NRXN3: variants seen among roughly 807,000 people sequenced by gnomAD.
NRXN3 encodes the protein neurexin III.
Under a neutral mutation model 137.6 loss-of-function variants are expected in NRXN3, and 32 were observed. The observed-to-expected ratio is 0.23, with a 90% CI of 0.18 to 0.31. The LOEUF (loss-of-function observed/expected upper bound fraction) is 0.31. Ranked by LOEUF, NRXN3 falls within the 10% of genes least tolerant of loss-of-function variation. NRXN3 has a pLI of 1.00. For missense variants in NRXN3, 1,574 were observed against 2,062.5 expected (o/e 0.76, Z 4.59); for synonymous variants, 798 against 784.5 (o/e 1.02, Z -0.29).
chr14:78,454,272 A>G (rs1428511483), intron 4 of NRXN3, among the ~76,000 whole-genome samples: 1 of 151,374 alleles, frequency 6.6e-6, no homozygotes, highest in Non-Finnish European at 1.5e-5. Context: ...CTCAACCTTC[A>G]CCATACTCTA....
chr14:78,987,987 TTTTC>T, intron 14 of NRXN3, 31 bp from the exon 15 acceptor site: 1 of 1,592,346 alleles, frequency 6.3e-7, no homozygotes, highest in South Asian at 1.1e-5. Flanking sequence ...TCTCTCTCCT[TTTTC>T]TTTTTTTCCC....
At chr14:78,680,460 G>T (rs1461137013) in intron 6 of NRXN3, among the ~76,000 whole-genome samples, 1 of 152,128 alleles carries the variant, frequency 6.6e-6, no homozygotes, top group Non-Finnish European at 1.5e-5. Context: ...GAGACGACAG[G>T]TTCTTGAGCA....
chr14:78,418,521 C>T (rs193118872), intron 4 of NRXN3, among the ~76,000 whole-genome samples: 3 of 152,112 alleles, frequency 2.0e-5, no homozygotes, highest in African/African-American at 4.8e-5. Context: ...ATGGGACTCC[C>T]CTTTCTTACT....
At chr14:78,884,234 A>G (rs2099136868) in intron 10 of NRXN3, among the ~76,000 whole-genome samples, 1 of 152,188 alleles carries the variant, frequency 6.6e-6, no homozygotes, top group Non-Finnish European at 1.5e-5. Flanking sequence ...ACTGCCTTTC[A>G]TAAGCAGAAA....
At chr14:78,221,946 G>C (rs939721309) in intron 1 of NRXN3, among the ~76,000 whole-genome samples, 1 of 152,234 alleles carries the variant, frequency 6.6e-6, no homozygotes, top group African/African-American at 2.4e-5. Context: ...GGAGGCGACA[G>C]TGAGTGAATA....
At chr14:79,016,173 A>G (rs1594939891) in intron 15 of NRXN3, among the ~76,000 whole-genome samples, 1 of 152,074 alleles carries the variant, frequency 6.6e-6, no homozygotes, top group Non-Finnish European at 1.5e-5. Flanking sequence ...GTGCAGTGGG[A>G]AGGAAATGTT....
intron 17 of NRXN3, among the ~76,000 whole-genome samples, chr14:79,670,379 T>C (rs1356514545): frequency 6.6e-6 from 1 of 152,054 alleles, no homozygotes; most frequent in Non-Finnish European, 1.5e-5. Context: ...TCAGACTTTC[T>C]AGGTGTAACC....
chr14:79,267,917 A>G (rs1043053996), intron 15 of NRXN3, among the ~76,000 whole-genome samples: 2 of 152,226 alleles, frequency 1.3e-5, no homozygotes, highest in African/African-American at 4.8e-5. Flanking sequence ...TGTTCCATAT[A>G]TTCTTAAAAG....
At chr14:78,289,295 G>A (rs2075538119) in intron 3 of NRXN3, among the ~76,000 whole-genome samples, 3 of 152,128 alleles carry the variant, frequency 2.0e-5, no homozygotes, top group Non-Finnish European at 4.4e-5. Flanking sequence ...GGCTATTGTT[G>A]AAGTCTGCCA....
chr14:79,166,361 A>G (rs370693723), intron 15 of NRXN3, among the ~76,000 whole-genome samples: 2 of 151,780 alleles, frequency 1.3e-5, no homozygotes, highest in African/African-American at 4.8e-5. Flanking sequence ...CTTTCCTCCT[A>G]TTGTTGCATT....
At chr14:78,646,371 A>G (rs184919504) in intron 5 of NRXN3, among the ~76,000 whole-genome samples, 1 of 152,192 alleles carries the variant, frequency 6.6e-6, no homozygotes, top group Admixed American at 6.5e-5. Flanking sequence ...TGGTTTTTCT[A>G]TTTGCGAATC....
At chr14:79,104,553 G>A (rs1356850485) in intron 15 of NRXN3, among the ~76,000 whole-genome samples, 1 of 152,064 alleles carries the variant, frequency 6.6e-6, no homozygotes, top group African/African-American at 2.4e-5. Context: ...TAATGCCGTG[G>A]GTCAGGCTCT....
intron 16 of NRXN3, among the ~76,000 whole-genome samples, chr14:79,576,741 C>G (rs1422482807): frequency 2.0e-5 from 3 of 152,012 alleles, no homozygotes; most frequent in Non-Finnish European, 2.9e-5. Flanking sequence ...TTTTTCTTTT[C>G]TTTTTCCATA....
At chr14:79,816,931 G>C (rs1458210000) in intron 20 of NRXN3, among the ~76,000 whole-genome samples, 1 of 152,132 alleles carries the variant, frequency 6.6e-6, no homozygotes, top group African/African-American at 2.4e-5. Context: ...AGTTTGAGAG[G>C]CCTGGGAATT....
At position 79,289,264 on chromosome 14, in the gene NRXN3, T is replaced by C. The variant is rs372863942; in HGVS notation, c.3263-177957T>C. Among the ~76,000 whole-genome samples, 3 of 152,176 alleles carry C rather than the reference T, an allele frequency of 2.0e-5. No homozygotes were observed. The East Asian group carries it at 5.8e-4, about 29-fold the overall frequency. ...CTCTTTCTTCAGAGAAATCTCCCCT[T>C]ATCCAGATTATGTCCTGCAGGCACA... On this transcript the variant is annotated intron_variant, in intron 15 of 20. Coordinates refer to ENST00000335750, the MANE Select transcript of NRXN3 (RefSeq NM_001330195.2).
chr14:78,681,252 A>C (rs2098072747), intron 6 of NRXN3, among the ~76,000 whole-genome samples: 1 of 152,200 alleles, frequency 6.6e-6, no homozygotes, highest in South Asian at 2.1e-4. Flanking sequence ...TCTTAATGCA[A>C]ATGTAGCATA....
intron 16 of NRXN3, among the ~76,000 whole-genome samples, chr14:79,627,676 C>T (rs1488631429): frequency 6.6e-6 from 1 of 152,186 alleles, no homozygotes; most frequent in African/African-American, 2.4e-5. Context: ...TTACCACTTA[C>T]TGGCTGTGTG....
chr14:79,559,793 T>C (rs1011188524), intron 16 of NRXN3, among the ~76,000 whole-genome samples: 7 of 152,206 alleles, frequency 4.6e-5, no homozygotes, highest in African/African-American at 1.7e-4. Context: ...TTTAAAGTTT[T>C]GTATGAAAAC....
chr14:79,005,336 C>G (rs1353289166), intron 15 of NRXN3, among the ~76,000 whole-genome samples: 1 of 152,204 alleles, frequency 6.6e-6, no homozygotes, highest in East Asian at 1.9e-4. Context: ...AAATCCATAT[C>G]CTCTTACCTT....
Sources: gnomAD v4.1 joint callset for allele counts (sites outside exome capture counted in the v4.1 genomes callset) on GRCh38, gnomAD v4.1.1 for gene constraint, MANE v1.5 for transcripts, NCBI Gene and HGNC (gene_info 2026-07-23, HGNC 2026-07-21) for gene names.